PPAT: variants seen among roughly 807,000 people sequenced by gnomAD.
PPAT encodes amidophosphoribosyltransferase.
Under a neutral mutation model 60.2 loss-of-function variants are expected in PPAT, and 20 were observed. The observed-to-expected ratio is 0.33, with a 90% CI of 0.23 to 0.48. The LOEUF is 0.48. PPAT is among the 20% of genes least tolerant of loss of function. The probability of loss-of-function intolerance (pLI) is 0.99; values close to 1 mark genes in which losing one functional copy is unlikely to be tolerated. For synonymous variants in PPAT, 194 were observed against 215.1 expected, an observed-to-expected ratio of 0.90 and a Z score of 0.86; for missense variants, 349 against 629.6, an observed-to-expected ratio of 0.55 and a Z score of 4.77.
At chr4:56,419,841 T>A (rs1716951034) in intron 1 of PPAT, 1 of 984,082 alleles carries the variant, frequency 1.0e-6, no homozygotes, top group African/African-American at 1.7e-5. Context: ...CTGGAAACAG[T>A]GCAGAACAAA....
chr4:56,397,103 T>G (rs937147506), intron 9 of PPAT, among the ~76,000 whole-genome samples: 1 of 152,024 alleles, frequency 6.6e-6, no homozygotes, highest in African/African-American at 2.4e-5. Context: ...TATTGTTTTT[T>G]TTGCCTTTCA....
At chr4:56,418,163 T>C (rs1716866568) in intron 1 of PPAT, among the ~76,000 whole-genome samples, 2 of 151,942 alleles carry the variant, frequency 1.3e-5, no homozygotes, top group South Asian at 2.1e-4. Context: ...GCAAACAAAA[T>C]GTTAATGTCA....
At chr4:56,414,222 G>A (rs1369240559) in intron 1 of PPAT, 2 of 152,268 alleles carry the variant, frequency 1.3e-5, no homozygotes, top group Non-Finnish European at 2.9e-5. Flanking sequence ...TTCCTATGGC[G>A]GAACCAGCAG....
rs1317502942 is a variant in PPAT, at chr4:56,406,471, G to C, written c.402+24C>G. The C allele has an allele frequency of 2.5e-6, 4 of 1,596,640 alleles. No individual in the cohort carries two copies. The Admixed American group carries it at 5.0e-5, about 20-fold the overall frequency. Reference sequence around the variant, plus strand: ...CATCCTAATCATTTAAAAAGGCCTAGGGAAAACAAACAAACAAACGTACCT... The same window carrying C: ...CATCCTAATCATTTAAAAAGGCCTACGGAAAACAAACAAACAAACGTACCT... On this transcript the variant is annotated intron_variant, in intron 3 of 10. Transcript: ENST00000264220.
rs1207160039 is a variant in PPAT, at chr4:56,417,835, G to GTTTTTTTTTTTTTTT, written c.129-10120_129-10119insAAAAAAAAAAAAAAA. ...ATCTTCGGTATAATTTGAAGATTTGGTTTTTTGTTTTTTTTTTTTTTTTTG... is the reference window on the plus strand; with the variant it reads ...ATCTTCGGTATAATTTGAAGATTTGGTTTTTTTTTTTTTTTTTTTTTGTTTTTTTTTTTTTTTTTG... On this transcript the variant is annotated intron_variant, in intron 1 of 10. Coordinates refer to ENST00000264220, the MANE Select transcript of PPAT (RefSeq NM_002703.5). 1.3e-4 allele frequency among the ~76,000 whole-genome samples: 13 copies of GTTTTTTTTTTTTTTT among 102,512 alleles called. 1 individual carries two copies. Among genetic ancestry groups the GTTTTTTTTTTTTTTT allele is most frequent in the African/African-American group, 4.5e-4 (13 of 28,678 alleles). 67.3% of individuals were successfully genotyped at this position (102,512 alleles called of 152,430 possible).
At chr4:56,425,463 TGCTAATCTTAAATACAG>T (rs1717239607) in intron 1 of PPAT, 1 of 829,592 alleles carries the variant, frequency 1.2e-6, no homozygotes, top group African/African-American at 1.8e-5. Flanking sequence ...ATAGGTATGC[TGCTAATCTTAAATACAG>T]GCAACTTGTT....
At chr4:56,418,646 A>T (rs779313291) in intron 1 of PPAT, among the ~76,000 whole-genome samples, 1 of 152,148 alleles carries the variant, frequency 6.6e-6, no homozygotes, top group Non-Finnish European at 1.5e-5. Flanking sequence ...ATAATATTAC[A>T]TCCAATTTGA....
At chr4:56,416,447 T>C (rs918752427) in intron 1 of PPAT, 15 of 478,166 alleles carry the variant, frequency 3.1e-5, no homozygotes, top group Non-Finnish European at 3.8e-5. Flanking sequence ...AGGTATAGTA[T>C]AATGGATGGG....
At chr4:56,434,240 A>C (rs1717770319) in intron 1 of PPAT, among the ~76,000 whole-genome samples, 1 of 152,228 alleles carries the variant, frequency 6.6e-6, no homozygotes, top group African/African-American at 2.4e-5. Flanking sequence ...CTGAAATTGA[A>C]GTACCTGGGA....
At chr4:56,432,592 T>C (rs1453525908) in intron 1 of PPAT, among the ~76,000 whole-genome samples, 1 of 150,028 alleles carries the variant, frequency 6.7e-6, no homozygotes, top group Non-Finnish European at 1.5e-5. Context: ...GAGACCATCC[T>C]GGCTAACACA....
chr4:56,427,564 T>C (rs1166355105), intron 1 of PPAT, among the ~76,000 whole-genome samples: 1 of 151,652 alleles, frequency 6.6e-6, no homozygotes, highest in Non-Finnish European at 1.5e-5. Context: ...GCCAGCTACT[T>C]GGGAGGCTGA....
intron 3 of PPAT, among the ~76,000 whole-genome samples, 173 bp from the exon 4 acceptor site, chr4:56,403,574 T>C (rs955683593): frequency 1.4e-4 from 21 of 152,146 alleles, no homozygotes; most frequent in African/African-American, 2.4e-4. Context: ...ACCAGTTTGG[T>C]GGAAGACAAT....
chr4:56,414,880 A>C (rs747977275), intron 1 of PPAT, among the ~76,000 whole-genome samples: 53 of 152,240 alleles, frequency 3.5e-4, no homozygotes, highest in Admixed American at 1.6e-3. Flanking sequence ...ATTCCTCGAC[A>C]ACATTTTAGC....
intron 1 of PPAT, among the ~76,000 whole-genome samples, chr4:56,432,355 C>G (rs1375104897): frequency 6.6e-6 from 1 of 151,944 alleles, no homozygotes; most frequent in Non-Finnish European, 1.5e-5. Context: ...TGGTGAAACC[C>G]CGTCTCTGCT....
intron 1 of PPAT, among the ~76,000 whole-genome samples, chr4:56,429,355 A>G (rs1717459893): frequency 6.6e-6 from 1 of 152,224 alleles, no homozygotes; most frequent in African/African-American, 2.4e-5. Context: ...AGATGTAAAA[A>G]GAAAAAAATC....
At chr4:56,431,183 A>G (rs1010580701) in intron 1 of PPAT, among the ~76,000 whole-genome samples, 1 of 152,208 alleles carries the variant, frequency 6.6e-6, no homozygotes, top group Non-Finnish European at 1.5e-5. Context: ...AAAGTTAAAC[A>G]CTATAGGAAT....
intron 1 of PPAT, among the ~76,000 whole-genome samples, chr4:56,433,418 A>C (rs1255620219): frequency 6.6e-6 from 1 of 151,498 alleles, no homozygotes; most frequent in Admixed American, 6.6e-5. Context: ...AAAAAGAAAA[A>C]AAAAACCTAT....
Position 56,403,025 on chromosome 4 carries a change from T to C in PPAT, c.661+15A>G. 6 of 1,582,408 alleles carry C rather than the reference T, an allele frequency of 3.8e-6. No homozygotes were observed. Among genetic ancestry groups the C allele is most frequent in the Non-Finnish European group, 5.1e-6 (6 of 1,165,866 alleles). ...AAAAACACTATGAAATGATATTCCT[T>C]CTAAAGTTTATTACCTTTGTCATTT... On this transcript the variant is annotated intron_variant, in intron 5 of 10. Transcript: ENST00000264220.
At position 56,435,335 on chromosome 4, in the gene PPAT, C is replaced by A. The variant is rs767037962; in HGVS notation, c.128+15G>T. The A allele has an allele frequency of 1.2e-6, 2 of 1,613,564 alleles. No individual in the cohort carries two copies. Among genetic ancestry groups the A allele is most frequent in the Non-Finnish European group, 1.7e-6 (2 of 1,179,674 alleles). On this transcript the variant is annotated intron_variant, in intron 1 of 10. Transcript: ENST00000264220. The stretch of plus-strand genomic sequence containing the variant: ...TGGAGACGCACGCCCCCGCCACCCC[C>A]ACCCTGTTGCTCACCGGTGCTGCAG...
Sources: allele counts gnomAD v4.1 joint callset (sites outside exome capture counted in the v4.1 genomes callset), GRCh38; gene constraint gnomAD v4.1.1; transcripts MANE v1.5; gene names NCBI Gene and HGNC (gene_info 2026-07-23, HGNC 2026-07-21).